The following ROBO1 variants were observed in gnomAD, a reference collection of about 807,000 sequenced individuals.
ROBO1 encodes roundabout guidance receptor 1.
Under a neutral mutation model 195.9 loss-of-function variants are expected in ROBO1, and 149 were observed. That is an observed-to-expected ratio of 0.76 (90% CI 0.67 to 0.87). The LOEUF (loss-of-function observed/expected upper bound fraction) is 0.87, where lower values mean the gene tolerates loss of function less well. ROBO1 is among the 40% of genes least tolerant of loss of function. The probability of loss-of-function intolerance (pLI) is 0.00; values close to 1 mark genes in which losing one functional copy is unlikely to be tolerated. For missense variants in ROBO1, 1,933 were observed against 2,068.3 expected (o/e 0.93, Z 1.27); for synonymous variants, 816 against 733.2 (o/e 1.11, Z -1.82).
intron 4 of ROBO1, among the ~76,000 whole-genome samples, chr3:78,791,878 G>A: frequency 6.6e-6 from 1 of 152,170 alleles, no homozygotes; most frequent in East Asian, 1.9e-4. Flanking sequence ...CCAGTGAGAG[G>A]CTGCTGTTGC....
At chr3:79,167,516 C>G (rs2081090753) in intron 2 of ROBO1, among the ~76,000 whole-genome samples, 2 of 152,186 alleles carry the variant, frequency 1.3e-5, no homozygotes, top group Non-Finnish European at 2.9e-5. Flanking sequence ...CTACTGTCTT[C>G]ATATAAATGA....
intron 5 of ROBO1, among the ~76,000 whole-genome samples, chr3:78,729,713 A>G (rs111992812): frequency 6.6e-6 from 1 of 152,182 alleles, no homozygotes; most frequent in Non-Finnish European, 1.5e-5. Flanking sequence ...GAATCCTATA[A>G]AAGGAGGCAA....
chr3:78,820,493 A>G lies in ROBO1; in HGVS notation c.500-73593T>C, dbSNP rs938567423. Among the ~76,000 whole-genome samples the G allele has an allele frequency of 2.6e-5, 4 of 152,202 alleles. 1 individual carries two copies. Among genetic ancestry groups the G allele is most frequent in the Non-Finnish European group, 5.9e-5 (4 of 68,036 alleles). ...TAGAACAAATGCTTGTTAAATGTAT[A>G]AAAAATGGTAATCAAACTCAGATTA... On this transcript the variant is annotated intron_variant, in intron 4 of 30. Transcript: ENST00000464233.
chr3:78,787,341 T>C (rs1007876004), intron 4 of ROBO1, among the ~76,000 whole-genome samples: 1 of 152,226 alleles, frequency 6.6e-6, no homozygotes, highest in Non-Finnish European at 1.5e-5. Context: ...TTATGTGATT[T>C]AGGACATAAA....
In ROBO1 at chr3:79,554,676, A is replaced by G. The variant is rs952815798; in HGVS notation, c.88+35148T>C. Among the ~76,000 whole-genome samples the G allele has an allele frequency of 3.9e-5, 6 of 152,244 alleles. No individual in the cohort carries two copies. The East Asian group carries it at 1.2e-3, about 29-fold the overall frequency. On this transcript the variant is annotated intron_variant, in intron 2 of 30. Transcript: ENST00000464233. ...GGAATGACAAAGTAGGGAGACTCCT[A>G]TTATTCATAATGCCAAAGAGCTGAA... is the stretch of plus-strand genomic sequence containing the variant.
chr3:78,861,595 GTA>G (rs2034842797), intron 4 of ROBO1, among the ~76,000 whole-genome samples: 1 of 152,136 alleles, frequency 6.6e-6, no homozygotes, highest in Non-Finnish European at 1.5e-5. Context: ...TGAACACAGT[GTA>G]TGTCTTTGCT....
At chr3:79,276,009 T>C (rs1449884199) in intron 2 of ROBO1, among the ~76,000 whole-genome samples, 2 of 151,950 alleles carry the variant, frequency 1.3e-5, no homozygotes, top group African/African-American at 2.4e-5. Context: ...TCCATGTTCA[T>C]TGACTAAAAG....
chr3:79,678,154 G>T (rs1285529313), intron 1 of ROBO1, among the ~76,000 whole-genome samples: 2 of 152,002 alleles, frequency 1.3e-5, no homozygotes, highest in Non-Finnish European at 2.9e-5. Context: ...TCAGTTACTG[G>T]TCATTAAAGA....
chr3:79,400,208 TAG>T (rs2037313318), intron 2 of ROBO1, among the ~76,000 whole-genome samples: 1 of 152,082 alleles, frequency 6.6e-6, no homozygotes, highest in African/African-American at 2.4e-5. Context: ...ACATAAAAAC[TAG>T]AGTGTTCAAA....
intron 1 of ROBO1, among the ~76,000 whole-genome samples, chr3:79,756,477 G>T (rs1261560918): frequency 6.7e-6 from 1 of 149,604 alleles, no homozygotes; most frequent in Non-Finnish European, 1.5e-5. Flanking sequence ...TGAACCCAGG[G>T]TGGCAAAAAT....
At position 79,098,695 on chromosome 3, in the gene ROBO1, C is replaced by T. The variant is rs541043115; in HGVS notation, c.172+26761G>A. ...ACAGTGTTTCACATAGTTGTTAATA[C>T]ACAGTAAACCAGAAAAAGAGTACAT... On this transcript the variant is annotated intron_variant, in intron 3 of 30. Coordinates refer to ENST00000464233, the MANE Select transcript of ROBO1 (RefSeq NM_002941.4). 1.4e-3 allele frequency among the ~76,000 whole-genome samples: 212 copies of T among 151,904 alleles called. 2 individuals carry two copies. Among genetic ancestry groups the T allele is most frequent in the African/African-American group, 4.6e-3 (191 of 41,502 alleles).
chr3:79,502,367 C>T (rs1337821137), intron 2 of ROBO1, among the ~76,000 whole-genome samples: 2 of 152,172 alleles, frequency 1.3e-5, no homozygotes, highest in South Asian at 2.1e-4. Flanking sequence ...CTGTCCCCGC[C>T]GCCCGGGCAG....
chr3:79,501,632 G>A (rs948664129), intron 2 of ROBO1, among the ~76,000 whole-genome samples: 7 of 152,148 alleles, frequency 4.6e-5, no homozygotes, highest in Non-Finnish European at 7.3e-5. Context: ...AAAAAACTTT[G>A]TCATGCATCT....
At chr3:78,758,401 T>C (rs1453724624) in intron 4 of ROBO1, among the ~76,000 whole-genome samples, 1 of 151,754 alleles carries the variant, frequency 6.6e-6, no homozygotes, top group African/African-American at 2.4e-5. Flanking sequence ...GGCACAGGCC[T>C]GTAGTCCCGC....
In ROBO1 at chr3:79,586,484, G is replaced by C. The variant is rs114804732; in HGVS notation, c.88+3340C>G. On this transcript the variant is annotated intron_variant, in intron 2 of 30. Coordinates refer to ENST00000464233, the MANE Select transcript of ROBO1 (RefSeq NM_002941.4). Reference sequence around the variant, plus strand: ...CCCAGTCAGCACTTGCATCTTTAATGAAGGACAACACTGCTGCACATTTAG... The same window carrying C: ...CCCAGTCAGCACTTGCATCTTTAATCAAGGACAACACTGCTGCACATTTAG... 4.3e-3 allele frequency among the ~76,000 whole-genome samples: 652 copies of C among 151,976 alleles called. 2 individuals are homozygous for C. Among genetic ancestry groups the C allele is most frequent in the Non-Finnish European group, 5.2e-3 (356 of 67,890 alleles).
At chr3:78,764,378 T>A (rs1215474630) in intron 4 of ROBO1, among the ~76,000 whole-genome samples, 3 of 152,152 alleles carry the variant, frequency 2.0e-5, no homozygotes, top group African/African-American at 7.2e-5. Context: ...AATTTCATGA[T>A]CATTACCCAC....
chr3:79,011,827 C>CAT (rs1352713197), intron 3 of ROBO1, among the ~76,000 whole-genome samples: 12 of 151,904 alleles, frequency 7.9e-5, no homozygotes, highest in African/African-American at 2.9e-4. Context: ...CAAGAGATAA[C>CAT]ATATACCTGA....
intron 2 of ROBO1, among the ~76,000 whole-genome samples, chr3:79,397,174 T>C (rs55924769): frequency 0.41 from 61,909 of 150,596 alleles, 12,858 homozygotes; most frequent in Admixed American, 0.51. Context: ...CTTTAAAAAG[T>C]GTTTTGGAAG....
intron 2 of ROBO1, among the ~76,000 whole-genome samples, chr3:79,417,169 A>G (rs1021042169): frequency 1.3e-5 from 2 of 152,096 alleles, no homozygotes; most frequent in African/African-American, 4.8e-5. Context: ...GGGGGTGGAA[A>G]TGATGCTGTG....
Sources: gnomAD v4.1 joint callset for allele counts (sites outside exome capture counted in the v4.1 genomes callset) on GRCh38, gnomAD v4.1.1 for gene constraint, MANE v1.5 for transcripts, NCBI Gene and HGNC (gene_info 2026-07-23, HGNC 2026-07-21) for gene names.